The following RAP2A variants were observed in gnomAD, a reference collection of about 807,000 sequenced individuals.
RAP2A encodes the protein RAP2A, member of RAS oncogene family.
A neutral mutation model predicts 15.1 loss-of-function variants in RAP2A; 5 were observed. The ratio of observed to expected loss-of-function variants is 0.33; its 90% CI spans 0.17 to 0.70. RAP2A has a LOEUF of 0.70. Among genes scored for constraint, RAP2A ranks in the 30% least tolerant of loss-of-function variants. The pLI, the probability that RAP2A is intolerant of heterozygous loss-of-function variation, is 0.68. For synonymous variants in RAP2A, 110 were observed against 99.7 expected (o/e 1.10, Z -0.62); for missense variants, 111 against 240.3 (o/e 0.46, Z 3.56).
At chr13:97,460,656 G>C (rs2066742469) in intron 1 of RAP2A, among the ~76,000 whole-genome samples, 1 of 152,160 alleles carries the variant, frequency 6.6e-6, no homozygotes, top group South Asian at 2.1e-4. Flanking sequence ...GGAGGATCCA[G>C]ATTTCTCCAA....
chr13:97,461,641 C>G (rs2066746274), intron 1 of RAP2A, among the ~76,000 whole-genome samples: 1 of 152,088 alleles, frequency 6.6e-6, no homozygotes, highest in Non-Finnish European at 1.5e-5. Context: ...CTGAACTTAA[C>G]TAAAAGTGTA....
Position 97,434,331 on chromosome 13 carries a change from A to T in RAP2A, c.-140A>T. 1.8e-6 allele frequency: 1 copy of T among 566,442 alleles called. No homozygotes were observed. The highest frequency in any genetic ancestry group is 2.2e-6 in the Non-Finnish European group (1 of 459,358). 35.1% of individuals were successfully genotyped at this position (566,442 alleles called of 1,614,324 possible). A position where few individuals can be genotyped will look rare whatever the true frequency, so the allele number is the denominator to read the frequency against. The stretch of plus-strand genomic sequence containing the variant: ...GTTGCCGCCGCCGCCGCCGGCGCCC[A>T]GGGGGCCGCCGCGGCTGTGAGGTGG... On this transcript the variant is annotated 5_prime_UTR_variant, in exon 1 of 2. Transcript: ENST00000245304.
Position 97,466,164 on chromosome 13 carries a change from G to C in RAP2A, c.*1722G>C, listed in dbSNP as rs950754394. 8 of 150,574 alleles carry C rather than the reference G, an allele frequency of 5.3e-5. No homozygotes were observed. Among genetic ancestry groups the C allele is most frequent in the African/African-American group, 2.0e-4 (8 of 40,980 alleles). The allele number at this position is 150,574 out of a possible 1,614,324, so 9.3% of individuals were successfully genotyped here. On this transcript the variant is annotated 3_prime_UTR_variant, in exon 2 of 2. Coordinates refer to ENST00000245304, the MANE Select transcript of RAP2A (RefSeq NM_021033.7). ...TCTTTTATACTTTTATGAAATCATT[G>C]GTAGCCCCCCAAGTGTTTAATAACT...
chr13:97,458,628 A>G (rs2066733870), intron 1 of RAP2A, among the ~76,000 whole-genome samples: 1 of 152,216 alleles, frequency 6.6e-6, no homozygotes, highest in African/African-American at 2.4e-5. Context: ...ACAGATTTAG[A>G]TTAACTAGCT....
At chr13:97,455,217 A>C (rs979743121) in intron 1 of RAP2A, among the ~76,000 whole-genome samples, 13 of 151,298 alleles carry the variant, frequency 8.6e-5, no homozygotes, top group African/African-American at 3.2e-4. Flanking sequence ...GTTTTATCTC[A>C]GATATTACAG....
At chr13:97,435,274 CA>C (rs1352160113) in intron 1 of RAP2A, among the ~76,000 whole-genome samples, 3 of 152,036 alleles carry the variant, frequency 2.0e-5, no homozygotes, top group African/African-American at 4.8e-5. Flanking sequence ...AGGCGTTTTA[CA>C]AAAATTAAGT....
At chr13:97,437,936 C>G (rs1226861179) in intron 1 of RAP2A, among the ~76,000 whole-genome samples, 2 of 152,154 alleles carry the variant, frequency 1.3e-5, no homozygotes, top group African/African-American at 4.8e-5. Context: ...GAAACTGACC[C>G]ATACTCCCTT....
rs2066624617 is a variant in RAP2A, at chr13:97,434,566, C to T, written c.96C>T (p.Tyr32=). ...QFVTGTFIEK[Y]DPTIEDFYRK... ...TGACCGGCACCTTCATCGAGAAATA[C>T]GACCCCACCATCGAGGACTTCTACC... The change falls in exon 1 of 2, where the codon TAC becomes TAT. Residue 32 remains tyrosine, a synonymous_variant. Coordinates refer to ENST00000245304, the MANE Select transcript of RAP2A (RefSeq NM_021033.7). The T allele has an allele frequency of 6.2e-7, 1 of 1,613,940 alleles. No homozygotes were observed. The highest frequency in any genetic ancestry group is 1.7e-5 in the Admixed American group (1 of 60,000).
intron 1 of RAP2A, among the ~76,000 whole-genome samples, chr13:97,456,980 T>G (rs2066725597): frequency 6.6e-6 from 1 of 152,080 alleles, no homozygotes; most frequent in African/African-American, 2.4e-5. Context: ...AGCCTTCGAG[T>G]CCTAACCAAA....
intron 1 of RAP2A, among the ~76,000 whole-genome samples, chr13:97,453,502 T>C (rs1234262593): frequency 2.0e-5 from 3 of 151,340 alleles, no homozygotes; most frequent in African/African-American, 7.3e-5. Context: ...GATTGGCCCT[T>C]TTTACTCAGC....
intron 1 of RAP2A, among the ~76,000 whole-genome samples, chr13:97,449,829 C>T (rs1488313931): frequency 6.6e-6 from 1 of 152,130 alleles, no homozygotes; most frequent in Non-Finnish European, 1.5e-5. Context: ...CAACCAGTTA[C>T]AACAAGCCAT....
At chr13:97,435,083 G>T (rs185062146) in intron 1 of RAP2A, among the ~76,000 whole-genome samples, 18 of 152,320 alleles carry the variant, frequency 1.2e-4, no homozygotes, top group Admixed American at 7.2e-4. Flanking sequence ...GGGGAAAGGG[G>T]TGGATAGATT....
rs2066763706 is a variant in RAP2A at position 97,464,820 on chromosome 13, T to C, written c.*378T>C. 1.2e-5 allele frequency: 2 copies of C among 173,480 alleles called. No homozygotes were observed. Among genetic ancestry groups the C allele is most frequent in the South Asian group, 1.8e-4 (1 of 5,546 alleles). The allele number at this position is 173,480 out of a possible 1,614,324, so 10.7% of individuals were successfully genotyped here. ...TTCCTCTGACCACTTACAATTAAAATATTTTGTCTTCTTTAAAAAAATAAG... is the reference window on the plus strand; with the variant it reads ...TTCCTCTGACCACTTACAATTAAAACATTTTGTCTTCTTTAAAAAAATAAG... On this transcript the variant is annotated 3_prime_UTR_variant, in exon 2 of 2. Transcript: ENST00000245304.
At chr13:97,462,136 GATCTT>G (rs1311610974) in intron 1 of RAP2A, among the ~76,000 whole-genome samples, 2 of 148,184 alleles carry the variant, frequency 1.3e-5, no homozygotes, top group Admixed American at 6.8e-5. Context: ...AATAGAAAGT[GATCTT>G]ATCACTTTTT....
At chr13:97,448,953 C>G (rs940240106) in intron 1 of RAP2A, among the ~76,000 whole-genome samples, 2 of 152,202 alleles carry the variant, frequency 1.3e-5, no homozygotes, top group South Asian at 2.1e-4. Context: ...TGCACAGATG[C>G]AGTGAGCCAT....
chr13:97,441,391 G>C (rs1344197975), intron 1 of RAP2A, among the ~76,000 whole-genome samples: 3 of 152,130 alleles, frequency 2.0e-5, no homozygotes, highest in African/African-American at 7.2e-5. Flanking sequence ...CAGCCAACAG[G>C]AAGAGCCAAC....
chr13:97,446,007 A>G (rs1290324122), intron 1 of RAP2A, among the ~76,000 whole-genome samples: 1 of 152,232 alleles, frequency 6.6e-6, no homozygotes, highest in Non-Finnish European at 1.5e-5. Context: ...CTACTAAGTA[A>G]TGAGTCCTGA....
intron 1 of RAP2A, among the ~76,000 whole-genome samples, chr13:97,458,187 G>GTA (rs2066731884): frequency 1.3e-5 from 2 of 152,120 alleles, no homozygotes; most frequent in African/African-American, 2.4e-5. Flanking sequence ...CTTGGTAGAT[G>GTA]ATTTTAACTG....
chr13:97,450,907 A>G (rs1305295006), intron 1 of RAP2A, among the ~76,000 whole-genome samples: 1 of 152,198 alleles, frequency 6.6e-6, no homozygotes, highest in African/African-American at 2.4e-5. Flanking sequence ...ACTGTGGTCA[A>G]TTGGATGCAA....
Sources: allele counts gnomAD v4.1 joint callset (sites outside exome capture counted in the v4.1 genomes callset), GRCh38; gene constraint gnomAD v4.1.1; transcripts MANE v1.5; gene names NCBI Gene and HGNC (gene_info 2026-07-23, HGNC 2026-07-21).